The following EBPL variants were observed in gnomAD, a reference collection of about 807,000 sequenced individuals.
EBPL encodes the protein EBP like.
EBPL carries 20 observed loss-of-function variants against 19.0 expected under a neutral mutation model. The ratio of observed to expected loss-of-function variants is 1.05; its 90% CI spans 0.74 to 1.53. The LOEUF is 1.53. EBPL is among the 40% of genes most tolerant of loss of function. The pLI is 0.00. For synonymous variants in EBPL, 107 were observed against 117.0 expected, an observed-to-expected ratio of 0.91 and a Z score of 0.55; for missense variants, 219 against 261.1, an observed-to-expected ratio of 0.84 and a Z score of 1.11.
At chr13:49,674,493 C>G (rs1030689124) in intron 1 of EBPL, among the ~76,000 whole-genome samples, 2 of 151,716 alleles carry the variant, frequency 1.3e-5, no homozygotes, top group African/African-American at 4.8e-5. Flanking sequence ...TTTCTTACAA[C>G]TGTATGTGAA....
Position 49,670,659 on chromosome 13 carries a change from G to A in EBPL, c.172-813C>T, listed in dbSNP as rs1301716772. ...ATATACTTACACTGCTATTTCCTTC[G>A]ACTACTAGCAGGAAAAGCTATTGTT... On this transcript the variant is annotated intron_variant, in intron 1 of 3. Transcript: ENST00000242827. Among the ~76,000 whole-genome samples the A allele has an allele frequency of 2.6e-5, 4 of 152,028 alleles. No individual in the cohort carries two copies. The South Asian group carries it at 8.3e-4, about 32-fold the overall frequency.
rs1027982528 is a variant in EBPL at position 49,662,733 on chromosome 13, A to C, written c.380+324T>G. 2.0e-5 allele frequency among the ~76,000 whole-genome samples: 3 copies of C among 152,026 alleles called. No homozygotes were observed. In the South Asian group the frequency reaches 6.2e-4, roughly 32 times the overall value. ...CTGCAGCCTTGACCTCCTAAGCCCA[A>C]GTGATCCTCCCACCTCTGCCTCTTA... On this transcript the variant is annotated intron_variant, in intron 3 of 3. Coordinates refer to ENST00000242827, the MANE Select transcript of EBPL (RefSeq NM_032565.5).
At chr13:49,675,976 G>A (rs1953871722) in intron 1 of EBPL, among the ~76,000 whole-genome samples, 1 of 151,708 alleles carries the variant, frequency 6.6e-6, no homozygotes, top group Non-Finnish European at 1.5e-5. Flanking sequence ...TAGTGATGCT[G>A]AACATATTTT....
In EBPL at chr13:49,691,399, G is replaced by T. The variant is rs750110342; in HGVS notation, c.26C>A (p.Ala9Asp). Reference sequence around the variant, plus strand: ...CAGCAGCAGCGAACCGCCAGCCTCGGCCCCCAGCTCCCACTCAGCGCCCAT... The same window carrying T: ...CAGCAGCAGCGAACCGCCAGCCTCGTCCCCCAGCTCCCACTCAGCGCCCAT... MGAEWELG[A>D]EAGGSLLLCA... is the part of the protein sequence containing the mutation. Residue 9 changes from alanine (A) to aspartate (D), a missense_variant, in exon 1 of 4, where the codon GCC (alanine) becomes GAC (aspartate). Ala to Asp is a moderately radical substitution (Grantham distance 126, BLOSUM62 -2). Around this residue, in one of 2 missense-constraint regions of EBPL, gnomAD observed 170 missense variants for 167.0 expected, o/e 1.02. Transcript: ENST00000242827. 7.3e-7 allele frequency: 1 copy of T among 1,362,984 alleles called. No homozygotes were observed. Among genetic ancestry groups the T allele is most frequent in the South Asian group, 2.2e-5 (1 of 44,906 alleles). The allele number at this position is 1,362,984 out of a possible 1,614,324, so 84.4% of individuals were successfully genotyped here. A position where few individuals can be genotyped will look rare whatever the true frequency, so the allele number is the denominator to read the frequency against.
chr13:49,675,788 G>A (rs1018172510), intron 1 of EBPL, among the ~76,000 whole-genome samples: 4 of 151,978 alleles, frequency 2.6e-5, no homozygotes, highest in Non-Finnish European at 4.4e-5. Context: ...TGCAGCGCTG[G>A]CACCATTTTG....
At chr13:49,674,996 A>G (rs1319712146) in intron 1 of EBPL, among the ~76,000 whole-genome samples, 1 of 152,204 alleles carries the variant, frequency 6.6e-6, no homozygotes, top group African/African-American at 2.4e-5. Context: ...TCTCAGCCCA[A>G]CACCCAGCAC....
At chr13:49,687,887 T>A (rs1353736255) in intron 1 of EBPL, among the ~76,000 whole-genome samples, 3 of 152,232 alleles carry the variant, frequency 2.0e-5, no homozygotes, top group Non-Finnish European at 2.9e-5. Context: ...ATTATCTTTA[T>A]GAAGATCTGC....
At chr13:49,681,132 G>A (rs1156747375) in intron 1 of EBPL, among the ~76,000 whole-genome samples, 1 of 151,928 alleles carries the variant, frequency 6.6e-6, no homozygotes, top group Non-Finnish European at 1.5e-5. Flanking sequence ...CAAAAAATTT[G>A]GTTTAAAAAA....
Position 49,671,046 on chromosome 13 carries a change from G to A in EBPL, c.172-1200C>T, listed in dbSNP as rs540323438. Among the ~76,000 whole-genome samples the A allele has an allele frequency of 1.1e-3, 162 of 152,318 alleles. 1 individual carries two copies. Among genetic ancestry groups the A allele is most frequent in the Middle Eastern group, 6.8e-3 (2 of 294 alleles). ...ACAATGTTGTGATTATGGAAACAGCGTTCACTGTAATGGGCCACAATTTCT... is the reference window on the plus strand; with the variant it reads ...ACAATGTTGTGATTATGGAAACAGCATTCACTGTAATGGGCCACAATTTCT... On this transcript the variant is annotated intron_variant, in intron 1 of 3. Transcript: ENST00000242827.
At position 49,663,080 on chromosome 13, in the gene EBPL, G is replaced by A. The variant is rs775772027; in HGVS notation, c.357C>T (p.Ala119=). 1 of 1,614,074 alleles carries A rather than the reference G, an allele frequency of 6.2e-7. No individual in the cohort carries two copies. The highest frequency in any genetic ancestry group is 8.5e-7 in the Non-Finnish European group (1 of 1,180,014). ...DGSLALFLIY[A]IVKEKYYRHF... ...ACCGGTAATATTTTTCTTTGACTAT[G>A]GCATAAATGAGGAACAATGCCAGAG... is the stretch of plus-strand genomic sequence containing the variant. The change falls in exon 3 of 4, where the codon GCC becomes GCT. Residue 119 remains alanine, a synonymous_variant. Transcript: ENST00000242827.
chr13:49,665,113 CTTT>C (rs71078878), intron 2 of EBPL, among the ~76,000 whole-genome samples: 12 of 130,696 alleles, frequency 9.2e-5, no homozygotes, highest in Admixed American at 1.5e-4. Flanking sequence ...TTGACCAAGT[CTTT>C]TTTTTTTTTT....
rs185484751 is a variant in EBPL, at chr13:49,663,980, G to A, written c.242-785C>T. On this transcript the variant is annotated intron_variant, in intron 2 of 3. Transcript: ENST00000242827. ...AAAAACTTGTTTCTTGGCCAGGCACGGTGGCTCACGCCTGTAATCCCAGCA... is the reference window on the plus strand; with the variant it reads ...AAAAACTTGTTTCTTGGCCAGGCACAGTGGCTCACGCCTGTAATCCCAGCA... Among the ~76,000 whole-genome samples the A allele has an allele frequency of 3.2e-3, 486 of 151,888 alleles. 1 individual carries two copies. The highest frequency in any genetic ancestry group is 0.011 in the African/African-American group (459 of 41,436).
intron 1 of EBPL, among the ~76,000 whole-genome samples, chr13:49,687,883 T>C: frequency 6.6e-6 from 1 of 152,214 alleles, no homozygotes; most frequent in East Asian, 1.9e-4. Context: ...CTAAATTATC[T>C]TTATGAAGAT....
intron 1 of EBPL, among the ~76,000 whole-genome samples, chr13:49,676,556 C>T (rs1953878312): frequency 6.6e-6 from 1 of 152,038 alleles, no homozygotes; most frequent in Non-Finnish European, 1.5e-5. Context: ...CATACCACTG[C>T]ACTCCAGCCT....
chr13:49,691,236 C>A lies in EBPL; in HGVS notation c.171+18G>T. 1 of 1,365,542 alleles carries A rather than the reference C, an allele frequency of 7.3e-7. No homozygotes were observed. The highest frequency in any genetic ancestry group is 9.5e-7 in the Non-Finnish European group (1 of 1,058,058). The allele number at this position is 1,365,542 out of a possible 1,614,324, so 84.6% of individuals were successfully genotyped here. On this transcript the variant is annotated intron_variant, in intron 1 of 3. Transcript: ENST00000242827. ...CTCTCTGGGATGGGGAGTGCAGGGT[C>A]TAGGCGATGGCACTTACCAGCGCGA...
intron 1 of EBPL, among the ~76,000 whole-genome samples, chr13:49,673,427 AT>A (rs1297839933): frequency 6.6e-6 from 1 of 152,144 alleles, no homozygotes; most frequent in Non-Finnish European, 1.5e-5. Context: ...TAATGGTTAC[AT>A]TTATTTTTAT....
intron 1 of EBPL, among the ~76,000 whole-genome samples, chr13:49,677,849 G>C (rs1168578069): frequency 6.6e-6 from 1 of 152,234 alleles, no homozygotes; most frequent in Non-Finnish European, 1.5e-5. Context: ...AGTTCTTAAA[G>C]ATGGTGTGTC....
intron 1 of EBPL, among the ~76,000 whole-genome samples, 168 bp from the exon 2 acceptor site, chr13:49,670,014 C>G (rs9596166): frequency 2.6e-5 from 4 of 152,016 alleles, no homozygotes; most frequent in African/African-American, 9.7e-5. Flanking sequence ...ATCTTGGGAC[C>G]TGGTTACCTG....
At chr13:49,682,304 T>C (rs7332209) in intron 1 of EBPL, among the ~76,000 whole-genome samples, 40,106 of 152,158 alleles carry the variant, frequency 0.26, 5,727 homozygotes, top group Non-Finnish European at 0.32. Context: ...TCTCCCTTTT[T>C]AAGAATATAC....
Sources: gnomAD v4.1 joint callset for allele counts (sites outside exome capture counted in the v4.1 genomes callset) on GRCh38, gnomAD v4.1.1 for gene constraint, gnomAD v4.1.1 regional missense constraint, MANE v1.5 for transcripts, NCBI Gene and HGNC (gene_info 2026-07-23, HGNC 2026-07-21) for gene names.